PLCXD1: variants seen among roughly 807,000 people sequenced by gnomAD.
PLCXD1 encodes the protein PI-PLC X domain-containing protein 1.
A neutral mutation model predicts 37.8 loss-of-function variants in PLCXD1; 45 were observed. That is an observed-to-expected ratio of 1.19 (90% CI 0.94 to 1.53). The LOEUF (loss-of-function observed/expected upper bound fraction) is 1.53. PLCXD1 is among the 40% of genes most tolerant of loss of function. The pLI, the probability that PLCXD1 is intolerant of heterozygous loss-of-function variation, is 0.00. For synonymous variants in PLCXD1, 246 were observed against 206.9 expected (o/e 1.19, Z -1.62); for missense variants, 539 against 454.7 (o/e 1.19, Z -1.69).
chrX:291,824 C>T (rs372624544), intron 5 of PLCXD1, among the ~76,000 whole-genome samples, 170 bp downstream of exon 5: 3 of 152,062 alleles, frequency 2.0e-5, no homozygotes, highest in East Asian at 1.9e-4. Context: ...CTGGCTGACC[C>T]GGTGGGGTGG....
intron 2 of PLCXD1, among the ~76,000 whole-genome samples, chrX:284,985 C>T (rs947344813): frequency 6.6e-5 from 10 of 152,130 alleles, no homozygotes; most frequent in African/African-American, 2.2e-4. Flanking sequence ...AGGTCCCTCC[C>T]ATGACAGATG....
intron 6 of PLCXD1, 43 bp from the exon 7 acceptor site, chrX:299,054 A>C: frequency 2.1e-6 from 3 of 1,417,338 alleles, no homozygotes; most frequent in Non-Finnish European, 3.0e-6. Context: ...CAGGCGGGTG[A>C]GGCCCGTGAC....
intron 6 of PLCXD1, among the ~76,000 whole-genome samples, chrX:296,886 A>G (rs2069829322): frequency 7.2e-6 from 1 of 138,784 alleles, no homozygotes; most frequent in South Asian, 2.2e-4. Context: ...TGTCTCCCAC[A>G]TGGGGATTAG....
In PLCXD1 at chrX:299,083, C is replaced by T. The variant is rs754766839; in HGVS notation, c.734-14C>T. 2 of 1,599,970 alleles carry T rather than the reference C, an allele frequency of 1.3e-6. No individual in the cohort carries two copies. The highest frequency in any genetic ancestry group is 1.7e-6 in the Non-Finnish European group (2 of 1,167,298). On this transcript the variant is annotated splice_polypyrimidine_tract_variant and intron_variant, in intron 6 of 6. Transcript: ENST00000381657. ...CCGTGACCGTGTAACCTCTCCCCAC[C>T]CTCACCGTTGCAGGAGGGTTGTTCG...
Position 291,614 on chromosome X carries a change from G to T in PLCXD1, c.509G>T (p.Cys170Phe). The T allele has an allele frequency of 6.2e-7, 1 of 1,612,996 alleles. No homozygotes were observed. ...SEDLHEYLVACIKNIFGDMLC... is the reference protein window; with the variant it reads ...SEDLHEYLVAFIKNIFGDMLC... Reference sequence around the variant, plus strand: ...GACCTGCACGAGTACCTGGTCGCCTGTATCAAGAACATCTTCGGGGACATG... The same window carrying T: ...GACCTGCACGAGTACCTGGTCGCCTTTATCAAGAACATCTTCGGGGACATG... The change falls in exon 5 of 7, where the codon TGT becomes TTT. Residue 170 changes from cysteine to phenylalanine, a missense_variant. Transcript: ENST00000381657.
chrX:284,592 GCACACACGCACACACGCA>G (rs956702879), intron 2 of PLCXD1, among the ~76,000 whole-genome samples: 1,199 of 2,978 alleles, frequency 0.4, 31 homozygotes, highest in Non-Finnish European at 0.39. Flanking sequence ...ATGCACACAC[GCACACACGCACACACGCA>G]CACATGCACA....
chrX:289,111 G>A, intron 3 of PLCXD1, among the ~76,000 whole-genome samples: 1 of 152,226 alleles, frequency 6.6e-6, no homozygotes. Context: ...TTTTGAGACA[G>A]GGTCTCACTC....
At position 299,629 on chromosome X, in the gene PLCXD1, C is replaced by T. The variant is rs189426745; in HGVS notation, c.*294C>T. 3,629 of 508,468 alleles carry T rather than the reference C, an allele frequency of 7.1e-3. 42 individuals are homozygous for T. The highest frequency in any genetic ancestry group is 6.6e-3 in the Non-Finnish European group (1,862 of 283,420). The allele number at this position is 508,468 out of a possible 1,614,324, so 31.5% of individuals were successfully genotyped here. A position where few individuals can be genotyped will look rare whatever the true frequency, so the allele number is the denominator to read the frequency against. The stretch of plus-strand genomic sequence containing the variant: ...AAAACTTAGCTGGGTGTGTGGCAGG[C>T]GCCTGTAGTCCCAGTTACTCGGGAG... On this transcript the variant is annotated 3_prime_UTR_variant, in exon 7 of 7. Transcript: ENST00000381657.
chrX:301,993 C>A lies in PLCXD1; in HGVS notation c.*2658C>A, dbSNP rs145927160. On this transcript the variant is annotated 3_prime_UTR_variant, in exon 7 of 7. Coordinates refer to ENST00000381657, the MANE Select transcript of PLCXD1 (RefSeq NM_018390.4). Reference sequence around the variant, plus strand: ...TCCCAGCCCAGTAGAGCCAGCCCCCCAGCCCGGAGTGCTACTGAAGTGTTC... The same window carrying A: ...TCCCAGCCCAGTAGAGCCAGCCCCCAAGCCCGGAGTGCTACTGAAGTGTTC... The A allele has an allele frequency of 0.031, 4,652 of 152,432 alleles. 438 individuals carry two copies. The highest frequency in any genetic ancestry group is 0.19 in the Admixed American group (2,845 of 15,292). The allele number at this position is 152,432 out of a possible 1,614,324, so 9.4% of individuals were successfully genotyped here.
upstream of PLCXD1, among the ~76,000 whole-genome samples, chrX:279,603 T>C (rs1037561319): frequency 3.3e-5 from 5 of 151,968 alleles, no homozygotes; most frequent in African/African-American, 9.7e-5. Context: ...GAGACCCCCG[T>C]TGCTACCAAA....
chrX:288,770 GT>G lies in PLCXD1; in HGVS notation c.166del (p.Ser56ProfsTer14), dbSNP rs763182945. 3.7e-6 allele frequency: 6 copies of G among 1,613,892 alleles called. No individual in the cohort carries two copies. The Admixed American group carries it at 8.3e-5, about 22-fold the overall frequency. ...DTMTYCLNKK[S>X]PISHEESRLL... ...CGATGACGTACTGCCTGAACAAGAA[GT>G]CCCCCATTTCGCACGAGGAGTCCCG... On this transcript the variant is annotated frameshift_variant, in exon 3 of 7. Coordinates refer to ENST00000381657, the MANE Select transcript of PLCXD1 (RefSeq NM_018390.4). LOFTEE classifies it high-confidence loss of function.
At chrX:287,945 C>G (rs2069510022) in intron 2 of PLCXD1, among the ~76,000 whole-genome samples, 1 of 152,022 alleles carries the variant, frequency 6.6e-6, no homozygotes, top group Admixed American at 6.6e-5. Flanking sequence ...ATACAGAAAT[C>G]TGAAGTCAAG....
chrX:290,193 C>CAA (rs372088792), intron 3 of PLCXD1, among the ~76,000 whole-genome samples: 367 of 151,988 alleles, frequency 2.4e-3, no homozygotes, highest in African/African-American at 8.5e-3. Context: ...TTTGGGAGGC[C>CAA]AAGGTGGGTG....
At chrX:291,400 C>A (rs964021971) in intron 4 of PLCXD1, 99 bp from the exon 5 acceptor site, 210 of 1,368,872 alleles carry the variant, frequency 1.5e-4, no homozygotes, top group Non-Finnish European at 2.0e-4. Context: ...CCCGCCTCGG[C>A]CTCCCAAATT....
At chrX:276,981 C>T (rs1341212247), upstream of PLCXD1, among the ~76,000 whole-genome samples, 2 of 152,298 alleles carry the variant, frequency 1.3e-5, no homozygotes, top group African/African-American at 4.8e-5. Context: ...CACCGGGCGT[C>T]TGGGCCCGTC....
At position 290,764 on chromosome X, in the gene PLCXD1, G is replaced by A. The variant is rs781542201; in HGVS notation, c.381G>A (p.Thr127=). ...NLHFVHMVYT[T]ALVEDTLTEI... ...ACTTTGTCCATATGGTGTACACAACGGCGCTGGTGGAGGTGCGGCCGGGCT... is the reference window on the plus strand; with the variant it reads ...ACTTTGTCCATATGGTGTACACAACAGCGCTGGTGGAGGTGCGGCCGGGCT... Residue 127 remains threonine, a synonymous_variant, in exon 4 of 7, where the codon ACG becomes ACA. Coordinates refer to ENST00000381657, the MANE Select transcript of PLCXD1 (RefSeq NM_018390.4). The A allele has an allele frequency of 1.8e-5, 29 of 1,613,354 alleles. No homozygotes were observed. The highest frequency in any genetic ancestry group is 4.5e-5 in the East Asian group (2 of 44,846).
At position 288,738 on chromosome X, in the gene PLCXD1, C is replaced by G. The variant is rs1225244338; in HGVS notation, c.133C>G (p.His45Asp). 6.2e-7 allele frequency: 1 copy of G among 1,613,848 alleles called. No homozygotes were observed. The highest frequency in any genetic ancestry group is 1.7e-5 in the Admixed American group (1 of 60,014). Residue 45 changes from histidine (H) to aspartate (D), a missense_variant, in exon 3 of 7, where the codon CAC becomes GAC. Coordinates refer to ENST00000381657, the MANE Select transcript of PLCXD1 (RefSeq NM_018390.4). ...PLHHLSIPGSHDTMTYCLNKK... is the reference protein window; with the variant it reads ...PLHHLSIPGSDDTMTYCLNKK... ...CGTGTGTGCTTTGCTCTCAGGGAGC[C>G]ACGACACGATGACGTACTGCCTGAA...
intron 6 of PLCXD1, among the ~76,000 whole-genome samples, chrX:294,867 G>T (rs2069754767): frequency 6.6e-6 from 1 of 151,666 alleles, no homozygotes; most frequent in Non-Finnish European, 1.5e-5. Flanking sequence ...ACCATTCCCA[G>T]CCGAGTTGTG....
chrX:290,089 C>T lies in PLCXD1; in HGVS notation c.265-559C>T, dbSNP rs889385683. ...CCTCCTTCCTCAGCCTCCCGGGCAG[C>T]TGGGACTACAGGTGTACACCACCAC... On this transcript the variant is annotated intron_variant, in intron 3 of 6. Transcript: ENST00000381657. Among the ~76,000 whole-genome samples, 73 of 152,200 alleles carry T rather than the reference C, an allele frequency of 4.8e-4. 1 individual carries two copies. Among genetic ancestry groups the T allele is most frequent in the Non-Finnish European group, 8.2e-4 (56 of 68,014 alleles).
Sources: allele counts gnomAD v4.1 joint callset (sites outside exome capture counted in the v4.1 genomes callset), GRCh38; gene constraint gnomAD v4.1.1; transcripts MANE v1.5; gene names NCBI Gene and HGNC (gene_info 2026-07-23, HGNC 2026-07-21).